Variants in ANO10 observed in about 807,000 individuals in gnomAD.
The protein encoded by ANO10 is anoctamin-10.
Under a neutral mutation model 74.7 loss-of-function variants are expected in ANO10, and 77 were observed. The ratio of observed to expected loss-of-function variants is 1.03; its 90% CI spans 0.86 to 1.25. The LOEUF (loss-of-function observed/expected upper bound fraction) is 1.25, where lower values mean the gene tolerates loss of function less well. Among genes scored for constraint, ANO10 ranks in the 50% most tolerant of loss-of-function variants. The pLI is 0.00. For missense variants in ANO10, 721 were observed against 778.1 expected (o/e 0.93, Z 0.87); for synonymous variants, 279 against 284.9 (o/e 0.98, Z 0.21).
chr3:43,470,533 C>T (rs1047209848), intron 11 of ANO10, among the ~76,000 whole-genome samples: 2 of 151,976 alleles, frequency 1.3e-5, no homozygotes, highest in South Asian at 2.1e-4. Context: ...TTAGTAGAGA[C>T]GGGGTTTCAC....
intron 12 of ANO10, among the ~76,000 whole-genome samples, chr3:43,425,152 T>C (rs2092879091): frequency 6.6e-6 from 1 of 152,104 alleles, no homozygotes; most frequent in African/African-American, 2.4e-5. Flanking sequence ...AATTCTAGGC[T>C]GTAAAATTTT....
chr3:43,394,566 T>A (rs2092341737), intron 12 of ANO10, among the ~76,000 whole-genome samples: 1 of 152,170 alleles, frequency 6.6e-6, no homozygotes, highest in South Asian at 2.1e-4. Flanking sequence ...GATGTAGAAT[T>A]TATAGGAAAC....
chr3:43,495,462 T>C (rs774991349), intron 11 of ANO10, among the ~76,000 whole-genome samples: 14 of 152,080 alleles, frequency 9.2e-5, no homozygotes, highest in Non-Finnish European at 1.3e-4. Flanking sequence ...GAAGAAAATA[T>C]TTGTAACATG....
intron 11 of ANO10, among the ~76,000 whole-genome samples, chr3:43,496,946 C>T (rs890480688): frequency 2.6e-5 from 4 of 152,164 alleles, no homozygotes; most frequent in Non-Finnish European, 5.9e-5. Context: ...GCCATGTCCT[C>T]CCCCAGCTAT....
At chr3:43,478,848 T>C (rs1438221357) in intron 11 of ANO10, among the ~76,000 whole-genome samples, 1 of 152,228 alleles carries the variant, frequency 6.6e-6, no homozygotes, top group African/African-American at 2.4e-5. Context: ...GATATATCCT[T>C]AGACTTCCAA....
chr3:43,627,304 A>T (rs1424761810), intron 1 of ANO10, among the ~76,000 whole-genome samples: 1 of 152,256 alleles, frequency 6.6e-6, no homozygotes, highest in Middle Eastern at 3.2e-3. Context: ...AATCGGTGGA[A>T]GGCCTGGAGA....
intron 1 of ANO10, among the ~76,000 whole-genome samples, chr3:43,667,275 G>A (rs148585037): frequency 0.02 from 3,097 of 151,820 alleles, 111 homozygotes; most frequent in African/African-American, 0.069. Context: ...ATTTTTAGTA[G>A]AGACAGGGTT....
chr3:43,672,244 C>G (rs993753946), intron 1 of ANO10, among the ~76,000 whole-genome samples: 1 of 152,164 alleles, frequency 6.6e-6, no homozygotes, highest in African/African-American at 2.4e-5. Flanking sequence ...AGAAAACAGT[C>G]CTGGTGTGGT....
chr3:43,515,350 A>G (rs888735793), intron 11 of ANO10, among the ~76,000 whole-genome samples: 2 of 152,198 alleles, frequency 1.3e-5, no homozygotes, highest in African/African-American at 2.4e-5. Context: ...TGGGTAAGAA[A>G]GAATTCTCTC....
chr3:43,391,777 A>C (rs1432932646), intron 12 of ANO10, among the ~76,000 whole-genome samples: 3 of 152,188 alleles, frequency 2.0e-5, no homozygotes, highest in African/African-American at 7.2e-5. Context: ...ATCCTCCCTA[A>C]GGTGAGCCTT....
At chr3:43,469,718 A>G (rs1432362345) in intron 11 of ANO10, among the ~76,000 whole-genome samples, 1 of 152,208 alleles carries the variant, frequency 6.6e-6, no homozygotes, top group Non-Finnish European at 1.5e-5. Context: ...ACATACTTCT[A>G]TACTCAGTGT....
intron 11 of ANO10, among the ~76,000 whole-genome samples, chr3:43,531,588 A>C (rs1031288767): frequency 6.6e-6 from 1 of 152,188 alleles, no homozygotes; most frequent in Non-Finnish European, 1.5e-5. Flanking sequence ...TGTCATTTAC[A>C]TGGTAATTAA....
chr3:43,474,214 GC>G (rs940890778), intron 11 of ANO10, among the ~76,000 whole-genome samples: 25 of 112,228 alleles, frequency 2.2e-4, no homozygotes, highest in East Asian at 1.0e-3. Context: ...GTACTTCCCC[GC>G]CCCCCCCAAC....
intron 1 of ANO10, among the ~76,000 whole-genome samples, chr3:43,643,678 C>CTTTTTTTTTTTTTTTTTTTTTTT (rs1310556861): frequency 1.4e-4 from 19 of 133,618 alleles, no homozygotes; most frequent in African/African-American, 5.6e-4. Flanking sequence ...TTGTCCTCAT[C>CTTTTTTTTTTTTTTTTTTTTTTT]TTTTCTTTTT....
intron 12 of ANO10, among the ~76,000 whole-genome samples, chr3:43,414,992 T>TG (rs869092488): frequency 2.9e-4 from 42 of 146,042 alleles, no homozygotes; most frequent in South Asian, 2.5e-3. Flanking sequence ...TTTTTTTTTT[T>TG]GAGACAGGGT....
upstream of ANO10, among the ~76,000 whole-genome samples, chr3:43,626,423 C>G (rs892585406): frequency 6.6e-5 from 10 of 151,796 alleles, no homozygotes; most frequent in Non-Finnish European, 1.2e-4. Context: ...CTCAGCCTCC[C>G]GAGTAGCTGG....
chr3:43,547,997 G>A (rs925375472), intron 11 of ANO10, among the ~76,000 whole-genome samples: 4 of 152,112 alleles, frequency 2.6e-5, no homozygotes, highest in Admixed American at 1.3e-4. Context: ...TGGTTTTCAG[G>A]TTTTCTGCGT....
chr3:43,599,033 A>G (rs184099744), intron 3 of ANO10, among the ~76,000 whole-genome samples: 125 of 152,352 alleles, frequency 8.2e-4, no homozygotes, highest in African/African-American at 2.8e-3. Context: ...ATGGAATTGA[A>G]GAAGTTTGCC....
chr3:43,462,216 A>G (rs997255849), intron 11 of ANO10, among the ~76,000 whole-genome samples: 1 of 152,104 alleles, frequency 6.6e-6, no homozygotes, highest in African/African-American at 2.4e-5. Flanking sequence ...GTGCTGTTGA[A>G]AGCATTCAGT....
Sources: allele counts gnomAD v4.1 joint callset (sites outside exome capture counted in the v4.1 genomes callset), GRCh38; gene constraint gnomAD v4.1.1; transcripts MANE v1.5; gene names NCBI Gene and HGNC (gene_info 2026-07-23, HGNC 2026-07-21).